Variants in PDS5B observed in about 807,000 individuals in gnomAD.
PDS5B encodes the protein sister chromatid cohesion protein PDS5 homolog B.
A neutral mutation model predicts 184.1 loss-of-function variants in PDS5B; 51 were observed. The ratio of observed to expected loss-of-function variants is 0.28; its 90% CI spans 0.22 to 0.35. The LOEUF is 0.35. Among genes scored for constraint, PDS5B ranks in the 10% least tolerant of loss-of-function variants. The pLI is 1.00. For synonymous variants in PDS5B, 566 were observed against 569.2 expected, an observed-to-expected ratio of 0.99 and a Z score of 0.08; for missense variants, 1,180 against 1,723.3, an observed-to-expected ratio of 0.68 and a Z score of 5.58.
At chr13:32,603,781 C>G (rs2058016452) in intron 1 of PDS5B, among the ~76,000 whole-genome samples, 2 of 152,274 alleles carry the variant, frequency 1.3e-5, no homozygotes, top group East Asian at 1.9e-4. Context: ...TTGTAGTTCT[C>G]TTTGAAGAGG....
At chr13:32,761,535 T>G (rs1954396837) in intron 30 of PDS5B, among the ~76,000 whole-genome samples, 1 of 152,194 alleles carries the variant, frequency 6.6e-6, no homozygotes, top group Non-Finnish European at 1.5e-5. Context: ...GTGTGTTTGA[T>G]GTTCCCTCCC....
chr13:32,684,720 T>G (rs1041020056), intron 11 of PDS5B, among the ~76,000 whole-genome samples: 4 of 152,200 alleles, frequency 2.6e-5, no homozygotes, highest in Admixed American at 2.6e-4. Context: ...GTAATTTTGG[T>G]GAAGGATGAG....
chr13:32,707,791 A>T (rs1213090077), intron 18 of PDS5B, among the ~76,000 whole-genome samples: 8 of 151,330 alleles, frequency 5.3e-5, no homozygotes, highest in Admixed American at 5.3e-4. Context: ...TCATAGTAAA[A>T]ATAATAATAA....
At chr13:32,602,743 T>A (rs1408401360) in intron 1 of PDS5B, among the ~76,000 whole-genome samples, 1 of 152,196 alleles carries the variant, frequency 6.6e-6, no homozygotes, top group Non-Finnish European at 1.5e-5. Flanking sequence ...TTTCTCCACA[T>A]CCTCTCTAGC....
intron 10 of PDS5B, among the ~76,000 whole-genome samples, 154 bp from the exon 11 acceptor site, chr13:32,683,724 C>T (rs947702992): frequency 2.0e-4 from 31 of 152,146 alleles, no homozygotes; most frequent in African/African-American, 7.0e-4. Flanking sequence ...AACTAATCTT[C>T]TTTCTTCCTT....
chr13:32,693,246 A>G (rs1167700407), intron 13 of PDS5B, among the ~76,000 whole-genome samples: 1 of 152,042 alleles, frequency 6.6e-6, no homozygotes, highest in African/African-American at 2.4e-5. Flanking sequence ...TTAAATTAGT[A>G]AAGTATAGCT....
At chr13:32,714,655 C>G (rs1168649691) in intron 19 of PDS5B, among the ~76,000 whole-genome samples, 1 of 152,142 alleles carries the variant, frequency 6.6e-6, no homozygotes, top group African/African-American at 2.4e-5. Flanking sequence ...CTCCCATTTG[C>G]TTTTGAAAGA....
intron 1 of PDS5B, among the ~76,000 whole-genome samples, chr13:32,647,918 C>T (rs951718724): frequency 2.6e-5 from 4 of 152,124 alleles, no homozygotes; most frequent in African/African-American, 9.7e-5. Context: ...AGGATGAAGG[C>T]ACCCTTCTCT....
At chr13:32,626,831 T>C (rs2058377596) in intron 1 of PDS5B, among the ~76,000 whole-genome samples, 1 of 152,198 alleles carries the variant, frequency 6.6e-6, no homozygotes. Flanking sequence ...TAATAAGTAT[T>C]TATGGTTCAA....
intron 19 of PDS5B, among the ~76,000 whole-genome samples, chr13:32,727,346 C>A (rs577676952): frequency 6.6e-6 from 1 of 151,988 alleles, no homozygotes; most frequent in Non-Finnish European, 1.5e-5. Flanking sequence ...TAGTGTATCT[C>A]GAATTAATAA....
intron 3 of PDS5B, 136 bp downstream of exon 3, chr13:32,652,143 A>C: frequency 1.8e-6 from 1 of 556,562 alleles, no homozygotes; most frequent in Non-Finnish European, 3.0e-6. Flanking sequence ...GCTAAACTTA[A>C]TGTTTTTTTT....
At chr13:32,772,472 G>A (rs1954822138) in intron 33 of PDS5B, among the ~76,000 whole-genome samples, 2 of 152,122 alleles carry the variant, frequency 1.3e-5, no homozygotes, top group African/African-American at 4.8e-5. Flanking sequence ...GGGCTAGACA[G>A]GCAGAGAACA....
At chr13:32,654,234 G>C (rs1029163797) in intron 3 of PDS5B, among the ~76,000 whole-genome samples, 2 of 152,078 alleles carry the variant, frequency 1.3e-5, no homozygotes, top group Non-Finnish European at 2.9e-5. Context: ...TCGTATATCT[G>C]TATGTCTATA....
intron 15 of PDS5B, among the ~76,000 whole-genome samples, chr13:32,698,759 CT>C (rs879868019): frequency 0.011 from 1,565 of 143,500 alleles, 15 homozygotes; most frequent in African/African-American, 0.031. Flanking sequence ...AGAGTTCTCT[CT>C]TTTTTTTTTT....
intron 13 of PDS5B, 126 bp from the exon 14 acceptor site, chr13:32,694,097 C>T: frequency 1.6e-6 from 1 of 635,448 alleles, no homozygotes; most frequent in East Asian, 3.0e-5. Context: ...TTGCTTAGTC[C>T]TGTGAATTTC....
At chr13:32,607,293 G>T (rs1393556794) in intron 1 of PDS5B, among the ~76,000 whole-genome samples, 1 of 152,232 alleles carries the variant, frequency 6.6e-6, no homozygotes, top group Non-Finnish European at 1.5e-5. Flanking sequence ...AGGACCCTCA[G>T]CTGCAGGTCT....
At chr13:32,651,577 G>A (rs116080739) in intron 2 of PDS5B, among the ~76,000 whole-genome samples, 155 of 152,170 alleles carry the variant, frequency 1.0e-3, no homozygotes, top group African/African-American at 3.7e-3. Context: ...TTAAAAATCT[G>A]GTTAGCAGAT....
chr13:32,689,427 T>A (rs1951484890), intron 13 of PDS5B: 1 of 152,168 alleles, frequency 6.6e-6, no homozygotes, highest in South Asian at 2.1e-4. Context: ...CTACCTGCTG[T>A]ATTTCAGGCA....
At chr13:32,753,581 G>A in intron 25 of PDS5B, 45 bp downstream of exon 25, 2 of 1,364,268 alleles carry the variant, frequency 1.5e-6, no homozygotes, top group Non-Finnish European at 2.0e-6. Context: ...CAGCCTGCTA[G>A]TTTCAGTTTT....
Sources: allele counts gnomAD v4.1 joint callset (sites outside exome capture counted in the v4.1 genomes callset), GRCh38; gene constraint gnomAD v4.1.1; transcripts MANE v1.5; gene names NCBI Gene and HGNC (gene_info 2026-07-23, HGNC 2026-07-21).